PTPRB: variants seen among roughly 807,000 people sequenced by gnomAD.
PTPRB encodes protein tyrosine phosphatase receptor type B, also known as receptor-type tyrosine-protein phosphatase beta.
In PTPRB, 97 loss-of-function variants were observed where a neutral mutation model predicts 238.1. That is an observed-to-expected ratio of 0.41 (90% CI 0.35 to 0.48). The LOEUF (loss-of-function observed/expected upper bound fraction) is 0.48. PTPRB is among the 20% of genes least tolerant of loss of function. PTPRB has a pLI of 0.30. For missense variants in PTPRB, 2,292 were observed against 2,681.9 expected (o/e 0.85, Z 3.21); for synonymous variants, 970 against 995.4 (o/e 0.97, Z 0.48).
chr12:70,600,409 G>A (rs10879166), intron 4 of PTPRB, among the ~76,000 whole-genome samples: 1 of 151,922 alleles, frequency 6.6e-6, no homozygotes, highest in Non-Finnish European at 1.5e-5. Context: ...CCTAGTGTGG[G>A]AAATGATGTC....
intron 2 of PTPRB, among the ~76,000 whole-genome samples, chr12:70,630,503 C>A (rs1036227266): frequency 6.6e-6 from 1 of 152,098 alleles, no homozygotes; most frequent in Non-Finnish European, 1.5e-5. Context: ...CTTTGAAAAC[C>A]GGCATAAGAC....
intron 13 of PTPRB, among the ~76,000 whole-genome samples, chr12:70,570,563 G>A (rs1188090818): frequency 1.3e-5 from 2 of 151,948 alleles, no homozygotes; most frequent in Non-Finnish European, 2.9e-5. Context: ...TGCCCAGGCT[G>A]TGCTTGAACT....
chr12:70,626,285 GTCTATCCATCCATCTA>G lies in PTPRB; in HGVS notation c.452-3655_452-3640del, dbSNP rs1261810709. Among the ~76,000 whole-genome samples the G allele has an allele frequency of 2.9e-4, 41 of 142,682 alleles. 5 individuals are homozygous for G. Among genetic ancestry groups the G allele is most frequent in the African/African-American group, 1.0e-3 (40 of 38,518 alleles). The allele number at this position is 142,682 out of a possible 152,430, so 93.6% of individuals were successfully genotyped here. A position where few individuals can be genotyped will look rare whatever the true frequency, so the allele number is the denominator to read the frequency against. ...AGGAGATACTTTAGAAAAGGATGATGTCTATCCATCCATCTATCTATCTATCTATCTATCTATCTAT... is the reference window on the plus strand; with the variant it reads ...AGGAGATACTTTAGAAAAGGATGATGTCTATCTATCTATCTATCTATCTAT... On this transcript the variant is annotated intron_variant, in intron 2 of 33. Transcript: ENST00000334414.
In PTPRB at chr12:70,626,303, CTAT is replaced by C. The variant is rs1566023176; in HGVS notation, c.452-3660_452-3658del. On this transcript the variant is annotated intron_variant, in intron 2 of 33. Coordinates refer to ENST00000334414, the MANE Select transcript of PTPRB (RefSeq NM_001109754.4). Reference sequence around the variant, plus strand: ...GGATGATGTCTATCCATCCATCTATCTATCTATCTATCTATCTATCTATCTATC... The same window carrying C: ...GGATGATGTCTATCCATCCATCTATCCTATCTATCTATCTATCTATCTATC... 6.3e-4 allele frequency among the ~76,000 whole-genome samples: 45 copies of C among 71,072 alleles called. 3 individuals are homozygous for C. Among genetic ancestry groups the C allele is most frequent in the African/African-American group, 2.5e-3 (44 of 17,780 alleles). The allele number at this position is 71,072 out of a possible 152,430, so 46.6% of individuals were successfully genotyped here.
intron 22 of PTPRB, among the ~76,000 whole-genome samples, chr12:70,543,481 T>C (rs1356964602): frequency 6.6e-6 from 1 of 152,238 alleles, no homozygotes; most frequent in Non-Finnish European, 1.5e-5. Flanking sequence ...CATTAAATTA[T>C]AAGTAAAGAC....
intron 3 of PTPRB, 29 bp downstream of exon 3, chr12:70,622,361 A>C (rs564732636): frequency 6.2e-7 from 1 of 1,608,442 alleles, no homozygotes; most frequent in Non-Finnish European, 8.5e-7. Flanking sequence ...ACGTGCACAG[A>C]CCACACTCCA....
At chr12:70,564,630 G>A (rs1399208458) in intron 15 of PTPRB, among the ~76,000 whole-genome samples, 1 of 151,794 alleles carries the variant, frequency 6.6e-6, no homozygotes, top group Non-Finnish European at 1.5e-5. Context: ...CCAGGAGTGC[G>A]AGACCAGCCT....
At chr12:70,595,013 T>C in intron 5 of PTPRB, among the ~76,000 whole-genome samples, 1 of 151,620 alleles carries the variant, frequency 6.6e-6, no homozygotes, top group Non-Finnish European at 1.5e-5. Flanking sequence ...CAGCAGTAAG[T>C]AGAAGAGAGA....
At chr12:70,537,754 A>G (rs1390474482) in intron 28 of PTPRB, among the ~76,000 whole-genome samples, 1 of 152,196 alleles carries the variant, frequency 6.6e-6, no homozygotes, top group Non-Finnish European at 1.5e-5. Context: ...GATGCTAACC[A>G]AAACCAGAGC....
At chr12:70,616,570 T>A (rs1204487873) in intron 3 of PTPRB, among the ~76,000 whole-genome samples, 1 of 152,188 alleles carries the variant, frequency 6.6e-6, no homozygotes. Context: ...AGGTCTGAGG[T>A]GGAATCTTAG....
chr12:70,573,481 A>G (rs1880322491), intron 11 of PTPRB, among the ~76,000 whole-genome samples: 1 of 147,964 alleles, frequency 6.8e-6, no homozygotes, highest in African/African-American at 2.5e-5. Context: ...CAGTTGATGC[A>G]TGGTTTCTTT....
At chr12:70,531,093 T>TTGAA (rs1193562606) in intron 32 of PTPRB, among the ~76,000 whole-genome samples, 1 of 152,210 alleles carries the variant, frequency 6.6e-6, no homozygotes, top group Non-Finnish European at 1.5e-5. Context: ...TGTTACTGGC[T>TTGAA]TGAATGCAGG....
At chr12:70,598,535 G>T (rs929844514) in intron 4 of PTPRB, among the ~76,000 whole-genome samples, 15 of 142,190 alleles carry the variant, frequency 1.1e-4, no homozygotes, top group Non-Finnish European at 2.0e-4. Flanking sequence ...CCTATCTGGG[G>T]AGTATAATAA....
In PTPRB at chr12:70,592,416, T is replaced by G; in HGVS notation, c.1646A>C (p.Lys549Thr). Residue 549 changes from lysine to threonine, a missense_variant, in exon 7 of 34, where the codon AAG becomes ACG. By Grantham distance (78) the Lys-to-Thr change is moderately conservative. Transcript: ENST00000334414. Reference protein sequence around the residue: ...NITLSHKGTIKESRVLAPWIT... With the variant: ...NITLSHKGTITESRVLAPWIT... ...CCAAGGTGCTAATACTCTGGATTCCTTGATGGTCCCTTTGTGAGACAGGGT... is the reference window on the plus strand; with the variant it reads ...CCAAGGTGCTAATACTCTGGATTCCGTGATGGTCCCTTTGTGAGACAGGGT... The G allele has an allele frequency of 1.9e-6, 3 of 1,613,960 alleles. No homozygotes were observed. The highest frequency in any genetic ancestry group is 2.5e-6 in the Non-Finnish European group (3 of 1,179,858).
In PTPRB at chr12:70,559,676, T is replaced by G; in HGVS notation, c.4433-52A>C. ...ACATAATCACAGCTATGCCATAACA[T>G]ATACAAATAAGATAGCTGAGCAACA... On this transcript the variant is annotated intron_variant, in intron 17 of 33. Transcript: ENST00000334414. 6 of 1,489,792 alleles carry G rather than the reference T, an allele frequency of 4.0e-6. No homozygotes were observed. The South Asian group carries it at 7.0e-5, about 17-fold the overall frequency. The allele number at this position is 1,489,792 out of a possible 1,614,324, so 92.3% of individuals were successfully genotyped here.
Position 70,555,309 on chromosome 12 carries a change from C to A in PTPRB, c.4994G>T (p.Arg1665Leu), listed in dbSNP as rs745698158. Reference protein sequence around the residue: ...VEDSTITMIDRPPPPPPHIRV... With the variant: ...VEDSTITMIDLPPPPPPHIRV... ...AATGTGTGGGGGTGGAGGAGGGGGGCCTGGAAAAAGAGGTGGGGAAGGAAC... is the reference window on the plus strand; with the variant it reads ...AATGTGTGGGGGTGGAGGAGGGGGGACTGGAAAAAGAGGTGGGGAAGGAAC... The change falls in exon 20 of 34, where the codon CGC (arginine) becomes CTC (leucine). Residue 1665 changes from arginine (R) to leucine (L), a missense_variant and splice_region_variant. Arg to Leu is a moderately radical substitution (Grantham distance 102). Around this residue, in one of 4 missense-constraint regions of PTPRB, gnomAD observed 683 missense variants for 862.0 expected, o/e 0.79. Transcript: ENST00000334414. 6.2e-7 allele frequency: 1 copy of A among 1,609,208 alleles called. No homozygotes were observed. The highest frequency in any genetic ancestry group is 1.7e-5 in the Admixed American group (1 of 59,372).
intron 10 of PTPRB, among the ~76,000 whole-genome samples, chr12:70,578,959 A>G (rs1565970487): frequency 6.6e-6 from 1 of 151,978 alleles, no homozygotes; most frequent in African/African-American, 2.4e-5. Flanking sequence ...CCCCTCCCCA[A>G]CCTCCATTCT....
chr12:70,625,727 C>G (rs1286322656), intron 2 of PTPRB, among the ~76,000 whole-genome samples: 1 of 152,008 alleles, frequency 6.6e-6, no homozygotes, highest in South Asian at 2.1e-4. Context: ...GCAAGGAAAA[C>G]TTCTTATACA....
intron 3 of PTPRB, among the ~76,000 whole-genome samples, chr12:70,612,923 G>C (rs545160502): frequency 6.6e-6 from 1 of 152,138 alleles, no homozygotes; most frequent in African/African-American, 2.4e-5. Flanking sequence ...GGACGCAGAG[G>C]TTGCCATAAG....
Sources: gnomAD v4.1 joint callset for allele counts (sites outside exome capture counted in the v4.1 genomes callset) on GRCh38, gnomAD v4.1.1 for gene constraint, gnomAD v4.1.1 regional missense constraint, MANE v1.5 for transcripts, NCBI Gene and HGNC (gene_info 2026-07-23, HGNC 2026-07-21) for gene names.